The following REPS2 variants were observed in gnomAD, a reference collection of about 807,000 sequenced individuals.
REPS2 encodes RALBP1 associated Eps domain containing 2, also known as ralBP1-associated Eps domain-containing protein 2.
A neutral mutation model predicts 53.6 loss-of-function variants in REPS2; 23 were observed. The ratio of observed to expected loss-of-function variants is 0.43; its 90% CI spans 0.31 to 0.61. REPS2 has a LOEUF of 0.61. Ranked by LOEUF, REPS2 falls within the 20% of genes least tolerant of loss-of-function variation. The pLI, the probability that REPS2 is intolerant of heterozygous loss-of-function variation, is 0.11. For missense variants in REPS2, 446 were observed against 534.9 expected, an observed-to-expected ratio of 0.83 and a Z score of 1.64; for synonymous variants, 238 against 218.6, an observed-to-expected ratio of 1.09 and a Z score of -0.78.
intron 1 of REPS2, among the ~76,000 whole-genome samples, chrX:16,963,034 G>A (rs1310582675): frequency 8.9e-6 from 1 of 111,903 alleles, no homozygotes; most frequent in Non-Finnish European, 1.9e-5. Flanking sequence ...GAAAGGTAGA[G>A]GCTGCAGTGA....
the REPS2 span, among the ~76,000 whole-genome samples, chrX:17,185,857 C>T: frequency 2.7e-5 from 3 of 111,566 alleles, no homozygotes; most frequent in Non-Finnish European, 3.8e-5. Flanking sequence ...AGCGAGTGTC[C>T]TCTCTTCCAG....
chrX:17,123,617 T>C lies in REPS2; in HGVS notation c.1579-10207T>C, dbSNP rs758563095. Among the ~76,000 whole-genome samples the C allele has an allele frequency of 3.6e-5, 4 of 112,512 alleles. No homozygotes were observed. In the South Asian group the frequency reaches 1.5e-3, roughly 42 times the overall value. On this transcript the variant is annotated intron_variant, in intron 14 of 17. Coordinates refer to ENST00000357277, the MANE Select transcript of REPS2 (RefSeq NM_004726.3). ...TTTCCTGAGTGTCTCCAGTGTTGGA[T>C]TGGTCTACCGAGGGGGGTGCCCACC...
At chrX:16,996,970 T>C (rs761495232) in intron 1 of REPS2, among the ~76,000 whole-genome samples, 1 of 112,469 alleles carries the variant, frequency 8.9e-6, no homozygotes, top group Non-Finnish European at 1.9e-5. Context: ...ATAACCTCAA[T>C]CTGTAATTTT....
chrX:17,128,226 A>C (rs1229301429), intron 14 of REPS2, among the ~76,000 whole-genome samples: 1 of 111,501 alleles, frequency 9.0e-6, no homozygotes, highest in Admixed American at 9.5e-5. Flanking sequence ...AGGAGAGGGA[A>C]GAAAAGTAGG....
the REPS2 span, among the ~76,000 whole-genome samples, chrX:17,175,613 G>A: frequency 8.0e-5 from 9 of 112,478 alleles, no homozygotes; most frequent in African/African-American, 9.7e-5. Flanking sequence ...GTGCAATACT[G>A]AAGGTTGCTT....
At chrX:16,956,382 ACCTGTGCCT>A (rs1333393143) in intron 1 of REPS2, among the ~76,000 whole-genome samples, 48 of 93,560 alleles carry the variant, frequency 5.1e-4, no homozygotes, top group African/African-American at 1.9e-3. Flanking sequence ...GTTCACTGCA[ACCTGTGCCT>A]CCTGGGCCCA....
rs1303693837 is a variant in REPS2 at position 17,026,349 on chromosome X, C to G, written c.673+1164C>G. On this transcript the variant is annotated intron_variant, in intron 4 of 17. Coordinates refer to ENST00000357277, the MANE Select transcript of REPS2 (RefSeq NM_004726.3). ...GGATAGTAACAAAAAAATCACTGTC[C>G]TGTAACTTGAATATCTCAGTGGGGT... is the stretch of plus-strand genomic sequence containing the variant. Among the ~76,000 whole-genome samples the G allele has an allele frequency of 2.7e-5, 3 of 111,477 alleles. No individual in the cohort carries two copies. In the East Asian group the frequency reaches 8.4e-4, roughly 31 times the overall value.
At chrX:17,017,571 A>ATATATG (rs1359787324) in intron 2 of REPS2, among the ~76,000 whole-genome samples, 2 of 111,531 alleles carry the variant, frequency 1.8e-5, no homozygotes, top group East Asian at 5.6e-4. Context: ...ATATATATAT[A>ATATATG]TATGTATTTG....
chrX:17,109,239 G>A (rs934402480), intron 14 of REPS2, among the ~76,000 whole-genome samples: 6 of 110,930 alleles, frequency 5.4e-5, no homozygotes, highest in Admixed American at 3.9e-4. Context: ...CTCACCCTTG[G>A]CTGCACAGTG....
the REPS2 span, among the ~76,000 whole-genome samples, chrX:17,187,474 G>A: frequency 2.7e-5 from 3 of 111,917 alleles, no homozygotes; most frequent in African/African-American, 9.8e-5. Context: ...GCTTTATTTC[G>A]GGCAAATTAA....
chrX:17,094,170 A>G (rs1249875426), intron 13 of REPS2, among the ~76,000 whole-genome samples: 1 of 112,169 alleles, frequency 8.9e-6, no homozygotes, highest in African/African-American at 3.2e-5. Flanking sequence ...GAGACCCTGA[A>G]TGTCTAAAAA....
chrX:17,062,549 T>A lies in REPS2; in HGVS notation c.1209+17T>A. ...CGGATGGAGGTAAAAGATCTTCATA[T>A]GCTAATAAATAAGGATGTGTATGGA... On this transcript the variant is annotated intron_variant, in intron 9 of 17. Transcript: ENST00000357277. 1 of 1,115,828 alleles carries A rather than the reference T, an allele frequency of 9.0e-7. No homozygotes were observed. The highest frequency in any genetic ancestry group is 1.2e-6 in the Non-Finnish European group (1 of 815,522). The allele number at this position is 1,115,828 out of a possible 1,213,427, so 92.0% of individuals were successfully genotyped here. A position where few individuals can be genotyped will look rare whatever the true frequency, so the allele number is the denominator to read the frequency against.
At chrX:16,969,737 G>A (rs755228060) in intron 1 of REPS2, among the ~76,000 whole-genome samples, 2 of 99,443 alleles carry the variant, frequency 2.0e-5, no homozygotes, top group Admixed American at 1.1e-4. Context: ...GAGGGAGACC[G>A]TGGGGAGAGG....
rs755510212 is a variant in REPS2 at position 17,052,371 on chromosome X, G to A, written c.908-11G>A. On this transcript the variant is annotated splice_polypyrimidine_tract_variant and intron_variant, in intron 6 of 17. Transcript: ENST00000357277. ...TAATTAATGGTTTATTTAAACAATG[G>A]CACTTGACAGGTTCTGTGGCCAAGA... 5 of 1,197,183 alleles carry A rather than the reference G, an allele frequency of 4.2e-6. No homozygotes were observed. The highest frequency in any genetic ancestry group is 5.6e-6 in the Non-Finnish European group (5 of 886,468).
At chrX:17,163,113 A>G in the REPS2 span, among the ~76,000 whole-genome samples, 2 of 111,990 alleles carry the variant, frequency 1.8e-5, no homozygotes, top group Non-Finnish European at 3.8e-5. Flanking sequence ...GGGAAACCAT[A>G]TCTTAAAAAC....
At chrX:17,078,645 G>A (rs934647109) in intron 13 of REPS2, among the ~76,000 whole-genome samples, 3 of 111,991 alleles carry the variant, frequency 2.7e-5, no homozygotes, top group East Asian at 5.6e-4. Context: ...CTATGGATGC[G>A]AGAAAATTAA....
the REPS2 span, among the ~76,000 whole-genome samples, chrX:17,174,226 C>A: frequency 1.8e-5 from 2 of 111,686 alleles, no homozygotes; most frequent in Middle Eastern, 9.1e-3. Context: ...AATTATTCTT[C>A]CTGTCTGAGT....
Position 16,979,979 on chromosome X carries a change from C to T in REPS2, c.274-26242C>T, listed in dbSNP as rs753087025. On this transcript the variant is annotated intron_variant, in intron 1 of 17. Transcript: ENST00000357277. ...GGTGACAAATCACAGTACTATTGGCCCCATCTTTGAGTTTGTCCTCAATAG... is the reference window on the plus strand; with the variant it reads ...GGTGACAAATCACAGTACTATTGGCTCCATCTTTGAGTTTGTCCTCAATAG... Among the ~76,000 whole-genome samples the T allele has an allele frequency of 1.7e-3, 187 of 111,465 alleles. 1 individual carries two copies. The highest frequency in any genetic ancestry group is 5.8e-3 in the African/African-American group (179 of 30,763).
At chrX:16,991,851 C>T (rs997124624) in intron 1 of REPS2, among the ~76,000 whole-genome samples, 91 of 111,653 alleles carry the variant, frequency 8.2e-4, no homozygotes, top group Middle Eastern at 4.6e-3. Context: ...GGACCGCCTG[C>T]GGCTGCAAGA....
Sources: allele counts gnomAD v4.1 joint callset (sites outside exome capture counted in the v4.1 genomes callset), GRCh38; gene constraint gnomAD v4.1.1; transcripts MANE v1.5; gene names NCBI Gene and HGNC (gene_info 2026-07-23, HGNC 2026-07-21).